The following TMEM135 variants were observed in gnomAD, a reference collection of about 807,000 sequenced individuals.
TMEM135 encodes the protein peroxisomal membrane protein 52.
A neutral mutation model predicts 60.3 loss-of-function variants in TMEM135; 30 were observed. That is an observed-to-expected ratio of 0.50 (90% confidence interval 0.37 to 0.68). The LOEUF is 0.68. Ranked by LOEUF, TMEM135 falls within the 30% of genes least tolerant of loss-of-function variation. The pLI is 0.00. For synonymous variants in TMEM135, 190 were observed against 186.7 expected (o/e 1.02, Z -0.14); for missense variants, 468 against 548.8 (o/e 0.85, Z 1.47).
chr11:87,116,704 A>T (rs192571724), intron 4 of TMEM135, among the ~76,000 whole-genome samples: 22 of 152,256 alleles, frequency 1.4e-4, no homozygotes, highest in African/African-American at 5.1e-4. Context: ...GTTTGGATCT[A>T]GACCACTGCA....
intron 4 of TMEM135, among the ~76,000 whole-genome samples, chr11:87,097,931 A>G (rs1857368524): frequency 6.6e-6 from 1 of 152,090 alleles, no homozygotes; most frequent in Non-Finnish European, 1.5e-5. Context: ...CATGGAGTTG[A>G]TCAACATCTA....
intron 5 of TMEM135, among the ~76,000 whole-genome samples, chr11:87,199,182 A>T (rs185458225): frequency 8.5e-5 from 13 of 152,274 alleles, no homozygotes; most frequent in African/African-American, 1.4e-4. Flanking sequence ...CAACATGGTG[A>T]AACCCTGTCG....
chr11:87,227,320 A>G (rs907268974), intron 5 of TMEM135, among the ~76,000 whole-genome samples: 25 of 152,182 alleles, frequency 1.6e-4, no homozygotes, highest in African/African-American at 5.8e-4. Context: ...GAAGTATCTT[A>G]GGGATTAATG....
chr11:87,255,257 C>G (rs1232286566), intron 6 of TMEM135, among the ~76,000 whole-genome samples: 1 of 152,080 alleles, frequency 6.6e-6, no homozygotes. Flanking sequence ...AATGTGTTGG[C>G]CCTGAATTTG....
rs1221363706 is a variant in TMEM135 at position 87,160,974 on chromosome 11, A to G, written c.462+3568A>G. ...GGGTGCAGTGGTGCAATCTAGGCTC[A>G]CTGCAACCTCTGCCTCCCAGGTTCA... is the stretch of plus-strand genomic sequence containing the variant. On this transcript the variant is annotated intron_variant, in intron 5 of 14. Coordinates refer to ENST00000305494, the MANE Select transcript of TMEM135 (RefSeq NM_022918.4). 2.6e-5 allele frequency among the ~76,000 whole-genome samples: 4 copies of G among 152,162 alleles called. No homozygotes were observed. In the East Asian group the frequency reaches 5.8e-4, roughly 22 times the overall value.
At chr11:87,163,908 G>T (rs1252421551) in intron 5 of TMEM135, among the ~76,000 whole-genome samples, 1 of 148,160 alleles carries the variant, frequency 6.7e-6, no homozygotes, top group Non-Finnish European at 1.5e-5. Flanking sequence ...TTGTAAATTT[G>T]TTTGAATTCA....
chr11:87,187,669 C>T (rs561094597), intron 5 of TMEM135, among the ~76,000 whole-genome samples: 12 of 152,268 alleles, frequency 7.9e-5, no homozygotes, highest in South Asian at 6.2e-4. Flanking sequence ...TTACTTAATG[C>T]GTATAGTACT....
intron 5 of TMEM135, among the ~76,000 whole-genome samples, chr11:87,233,326 A>G (rs1940928116): frequency 6.6e-6 from 1 of 152,066 alleles, no homozygotes; most frequent in South Asian, 2.1e-4. Flanking sequence ...AGACACAAAG[A>G]TTTTCTGATA....
chr11:87,172,540 A>G (rs1939266984), intron 5 of TMEM135, among the ~76,000 whole-genome samples: 1 of 152,050 alleles, frequency 6.6e-6, no homozygotes, highest in Non-Finnish European at 1.5e-5. Flanking sequence ...TAAGTAATAT[A>G]GAATATTTAA....
chr11:87,319,350 A>C lies in TMEM135; in HGVS notation c.1217A>C (p.Lys406Thr). ...CAGACTTTGAGACCATCTTACTGGAAGTTCCTTTTAAGACTCACCAAGGGC... is the reference window on the plus strand; with the variant it reads ...CAGACTTTGAGACCATCTTACTGGACGTTCCTTTTAAGACTCACCAAGGGC... Reference protein sequence around the residue: ...EVQTLRPSYWKFLLRLTKGKF... With the variant: ...EVQTLRPSYWTFLLRLTKGKF... The change falls in exon 14 of 15, where the codon AAG (lysine) becomes ACG (threonine). Residue 406 changes from lysine (K) to threonine (T), a missense_variant. Physicochemically the swap from Lys to Thr is moderately conservative, Grantham distance 78 (BLOSUM62 -1). Coordinates refer to ENST00000305494, the MANE Select transcript of TMEM135 (RefSeq NM_022918.4). 1 of 1,613,484 alleles carries C rather than the reference A, an allele frequency of 6.2e-7. No individual in the cohort carries two copies. Among genetic ancestry groups the C allele is most frequent in the Non-Finnish European group, 8.5e-7 (1 of 1,179,580 alleles).
At chr11:87,058,123 A>G (rs537323031) in intron 1 of TMEM135, among the ~76,000 whole-genome samples, 1 of 152,314 alleles carries the variant, frequency 6.6e-6, no homozygotes, top group Admixed American at 6.5e-5. Context: ...TGAGAGGATG[A>G]AGCCTACTCA....
At chr11:87,293,036 G>C (rs1942292339) in intron 6 of TMEM135, among the ~76,000 whole-genome samples, 1 of 152,132 alleles carries the variant, frequency 6.6e-6, no homozygotes, top group African/African-American at 2.4e-5. Flanking sequence ...GCCAAAATTT[G>C]TTCCCAGTTA....
chr11:87,310,047 TA>T (rs1349181632), intron 10 of TMEM135, among the ~76,000 whole-genome samples: 2 of 150,960 alleles, frequency 1.3e-5, no homozygotes, highest in African/African-American at 4.8e-5. Flanking sequence ...GCCTGGTTAT[TA>T]ATTTAAATGT....
intron 5 of TMEM135, among the ~76,000 whole-genome samples, chr11:87,201,129 G>A (rs1940086278): frequency 6.6e-6 from 1 of 152,016 alleles, no homozygotes; most frequent in Non-Finnish European, 1.5e-5. Flanking sequence ...AGGAAGATGA[G>A]GTACAGAGAA....
intron 4 of TMEM135, among the ~76,000 whole-genome samples, chr11:87,126,133 A>G (rs965016040): frequency 8.7e-6 from 1 of 115,416 alleles, no homozygotes; most frequent in African/African-American, 3.0e-5. Flanking sequence ...TGGCCTCCCA[A>G]AGTGTTGGGT....
chr11:87,277,606 C>A (rs1941991178), intron 6 of TMEM135, among the ~76,000 whole-genome samples: 1 of 151,834 alleles, frequency 6.6e-6, no homozygotes, highest in Non-Finnish European at 1.5e-5. Context: ...ACTACAACTT[C>A]CACTTCCTGG....
At chr11:87,129,295 T>C (rs1025210866) in intron 4 of TMEM135, among the ~76,000 whole-genome samples, 4 of 104,734 alleles carry the variant, frequency 3.8e-5, no homozygotes, top group African/African-American at 1.4e-4. Flanking sequence ...CAGGCTGGAG[T>C]GCAGTGGCAC....
chr11:87,166,624 G>T (rs561778), intron 5 of TMEM135, among the ~76,000 whole-genome samples: 56,020 of 151,166 alleles, frequency 0.37, 11,325 homozygotes, highest in East Asian at 0.67. Flanking sequence ...TAGATGTGTG[G>T]CGTTATTTCT....
chr11:87,076,736 T>C lies in TMEM135; in HGVS notation c.362+5121T>C, dbSNP rs555792473. Among the ~76,000 whole-genome samples the C allele has an allele frequency of 6.6e-5, 10 of 152,294 alleles. No individual in the cohort carries two copies. In the East Asian group the frequency reaches 1.9e-3, roughly 29 times the overall value. On this transcript the variant is annotated intron_variant, in intron 3 of 14. Transcript: ENST00000305494. ...AATTATTCAGGGTCTAAGGGCTTGT[T>C]AGTCTGCAGGTGATGAATCCTGCCA...
Sources: allele counts gnomAD v4.1 joint callset (sites outside exome capture counted in the v4.1 genomes callset), GRCh38; gene constraint gnomAD v4.1.1; transcripts MANE v1.5; gene names NCBI Gene and HGNC (gene_info 2026-07-23, HGNC 2026-07-21).